The following GNA13 variants were observed in gnomAD, a reference collection of about 807,000 sequenced individuals.
The protein encoded by GNA13 is G protein subunit alpha 13.
GNA13 carries 4 observed loss-of-function variants against 33.5 expected under a neutral mutation model. The ratio of observed to expected loss-of-function variants is 0.12; its 90% CI spans 0.06 to 0.27. The LOEUF is 0.27. GNA13 is among the 10% of genes least tolerant of loss of function. The pLI is 1.00. For synonymous variants in GNA13, 176 were observed against 183.8 expected, an observed-to-expected ratio of 0.96 and a Z score of 0.34; for missense variants, 319 against 487.2, an observed-to-expected ratio of 0.65 and a Z score of 3.25.
intron 2 of GNA13, among the ~76,000 whole-genome samples, chr17:65,034,466 T>C (rs1907172357): frequency 6.6e-6 from 1 of 151,776 alleles, no homozygotes; most frequent in Admixed American, 6.6e-5. Context: ...GCCCAGCTAA[T>C]TTTTTGTATT....
At chr17:65,020,090 TC>T (rs1465766064) in intron 2 of GNA13, among the ~76,000 whole-genome samples, 1 of 152,228 alleles carries the variant, frequency 6.6e-6, no homozygotes, top group African/African-American at 2.4e-5. Context: ...GTGTCCTCAT[TC>T]AAATTTTATA....
intron 2 of GNA13, among the ~76,000 whole-genome samples, chr17:65,036,491 A>G (rs939755419): frequency 1.3e-5 from 2 of 152,206 alleles, no homozygotes; most frequent in African/African-American, 4.8e-5. Flanking sequence ...GAATTGCTTG[A>G]GGCCAGGAGT....
chr17:65,048,176 T>A (rs1240287391), intron 2 of GNA13, among the ~76,000 whole-genome samples: 2 of 152,188 alleles, frequency 1.3e-5, no homozygotes, highest in East Asian at 3.8e-4. Flanking sequence ...TCACACACAC[T>A]GTCCTGTCCT....
Position 65,056,623 on chromosome 17 carries a change from C to A in GNA13, c.-30G>T. The A allele has an allele frequency of 3.8e-6, 6 of 1,587,724 alleles. No homozygotes were observed. The highest frequency in any genetic ancestry group is 5.1e-6 in the Non-Finnish European group (6 of 1,170,562). On this transcript the variant is annotated 5_prime_UTR_variant, in exon 1 of 4. Transcript: ENST00000439174. ...CCGCCGCCGCCGCCGCCTCGGCGGG[C>A]CCCTCCGGCTCCCTCCACCTCCTCC...
chr17:65,029,549 T>C (rs746007844), intron 2 of GNA13, among the ~76,000 whole-genome samples: 5 of 152,116 alleles, frequency 3.3e-5, no homozygotes, highest in Non-Finnish European at 7.4e-5. Context: ...TGATTCTTAT[T>C]TTTCCCCTAC....
intron 2 of GNA13, among the ~76,000 whole-genome samples, chr17:65,024,762 A>G (rs550875177): frequency 6.6e-6 from 1 of 152,386 alleles, no homozygotes; most frequent in African/African-American, 2.4e-5. Context: ...TATATATTTT[A>G]CTCAAAACTA....
Position 65,050,231 on chromosome 17 carries a change from G to A in GNA13, c.510+3271C>T, listed in dbSNP as rs564752456. Among the ~76,000 whole-genome samples, 6 of 152,292 alleles carry A rather than the reference G, an allele frequency of 3.9e-5. No individual in the cohort carries two copies. The South Asian group carries it at 6.2e-4, about 16-fold the overall frequency. ...AAAGGAGGGAATGAATGCAAGAGAC[G>A]TTACAGAGGTAGAAAAATCAGAACT... On this transcript the variant is annotated intron_variant, in intron 2 of 3. Transcript: ENST00000439174.
intron 2 of GNA13, among the ~76,000 whole-genome samples, chr17:65,027,271 TTA>T (rs1322068875): frequency 6.6e-6 from 1 of 151,926 alleles, no homozygotes; most frequent in African/African-American, 2.4e-5. Context: ...CCAGATTTAT[TTA>T]TATAGTAAAG....
At chr17:65,028,894 G>C in intron 2 of GNA13, among the ~76,000 whole-genome samples, 1 of 151,914 alleles carries the variant, frequency 6.6e-6, no homozygotes, top group Non-Finnish European at 1.5e-5. Flanking sequence ...TCCCCAAGTA[G>C]GTGACAGTTT....
intron 2 of GNA13, among the ~76,000 whole-genome samples, chr17:65,046,581 G>A (rs971001186): frequency 6.6e-6 from 1 of 152,152 alleles, no homozygotes; most frequent in Admixed American, 6.6e-5. Context: ...ACCTGTTTTG[G>A]GCTAATAGGA....
chr17:65,022,120 GA>G (rs1335850830), intron 2 of GNA13, among the ~76,000 whole-genome samples: 1 of 152,240 alleles, frequency 6.6e-6, no homozygotes, highest in Non-Finnish European at 1.5e-5. Context: ...AATGGTTGGG[GA>G]AAAAACTTAA....
intron 2 of GNA13, among the ~76,000 whole-genome samples, chr17:65,037,759 C>A (rs1461066523): frequency 7.9e-6 from 1 of 126,568 alleles, no homozygotes; most frequent in East Asian, 2.2e-4. Flanking sequence ...TGGAGAGAGA[C>A]CCAGCCTCTA....
chr17:65,054,129 G>A (rs923080501), intron 1 of GNA13, among the ~76,000 whole-genome samples: 2 of 152,178 alleles, frequency 1.3e-5, no homozygotes, highest in Non-Finnish European at 2.9e-5. Context: ...GAGCCTAAAA[G>A]ATGTTCATTT....
rs528941392 is a variant in GNA13, at chr17:65,014,601, G to A, written c.790C>T (p.Arg264Cys). 2 of 1,613,820 alleles carry A rather than the reference G, an allele frequency of 1.2e-6. No individual in the cohort carries two copies. The highest frequency in any genetic ancestry group is 1.3e-5 in the African/African-American group (1 of 75,038). The part of the protein sequence containing the change: ...QVLMEDRLTN[R>C]LTESLNIFET... ...AAAATGTTCAGAGACTCTGTAAGGC[G>A]ATTGGTCAGTCGATCTTCCATAAGC... Residue 264 changes from arginine (R) to cysteine (C), a missense_variant, in exon 4 of 4, where the codon CGC becomes TGC. This residue lies in a region of GNA13 where 134 missense variants were observed against 241.3 expected (regional missense o/e 0.56). Transcript: ENST00000439174. This position sits in a 1 kb window ranked among gnomAD's most constrained non-coding sequence, Gnocchi z 5.3.
chr17:65,010,351 T>C lies in GNA13; in HGVS notation c.*3906A>G, dbSNP rs1476198632. 6.6e-6 allele frequency among the ~76,000 whole-genome samples: 1 copy of C among 152,010 alleles called. No homozygotes were observed. Among genetic ancestry groups the C allele is most frequent in the Non-Finnish European group, 1.5e-5 (1 of 67,992 alleles). On this transcript the variant is annotated 3_prime_UTR_variant, in exon 4 of 4. Coordinates refer to ENST00000439174, the MANE Select transcript of GNA13 (RefSeq NM_006572.6). ...CTTAGACTTACACTTCAAGATCTAG[T>C]ATACATTTATTAATAAGCCCTAACC...
At chr17:65,033,095 A>G (rs941663248) in intron 2 of GNA13, among the ~76,000 whole-genome samples, 3 of 151,558 alleles carry the variant, frequency 2.0e-5, no homozygotes, top group Non-Finnish European at 2.9e-5. Context: ...TGGGCAACAG[A>G]GCGAGACTCC....
At chr17:65,030,465 G>A (rs796596227) in intron 2 of GNA13, among the ~76,000 whole-genome samples, 2 of 152,312 alleles carry the variant, frequency 1.3e-5, no homozygotes, top group African/African-American at 4.8e-5. Context: ...AGAATGTTAG[G>A]TAATAATATG....
At position 65,009,931 on chromosome 17, in the gene GNA13, G is replaced by C. The variant is rs537405704; in HGVS notation, c.*4326C>G. Reference sequence around the variant, plus strand: ...ACAAACCAAAGTCACATACCAAGTAGTATATGACGTTCAGTGATATTCACT... The same window carrying C: ...ACAAACCAAAGTCACATACCAAGTACTATATGACGTTCAGTGATATTCACT... On this transcript the variant is annotated 3_prime_UTR_variant, in exon 4 of 4. Transcript: ENST00000439174. 2.0e-5 allele frequency among the ~76,000 whole-genome samples: 3 copies of C among 152,266 alleles called. No individual in the cohort carries two copies. In the South Asian group the frequency reaches 6.2e-4, roughly 32 times the overall value.
intron 2 of GNA13, among the ~76,000 whole-genome samples, chr17:65,034,705 A>T (rs1907180729): frequency 6.6e-6 from 1 of 152,220 alleles, no homozygotes; most frequent in Non-Finnish European, 1.5e-5. Flanking sequence ...CTACTACAGA[A>T]GTCACAAAAA....
Sources: gnomAD v4.1 joint callset for allele counts (sites outside exome capture counted in the v4.1 genomes callset) on GRCh38, gnomAD v4.1.1 for gene constraint, gnomAD v4.1.1 regional missense constraint, Gnocchi (gnomAD v3.1) non-coding constraint, MANE v1.5 for transcripts, NCBI Gene and HGNC (gene_info 2026-07-23, HGNC 2026-07-21) for gene names.